OLFM3: variants seen among roughly 807,000 people sequenced by gnomAD.
OLFM3 encodes the protein olfactomedin 3.
In OLFM3, 20 loss-of-function variants were observed where a neutral mutation model predicts 48.6. That is an observed-to-expected ratio of 0.41 (90% CI 0.29 to 0.60). The LOEUF (loss-of-function observed/expected upper bound fraction) is 0.60. Among genes scored for constraint, OLFM3 ranks in the 20% least tolerant of loss-of-function variants. The pLI is 0.28. For synonymous variants in OLFM3, 222 were observed against 198.1 expected, an observed-to-expected ratio of 1.12 and a Z score of -1.01; for missense variants, 437 against 544.3, an observed-to-expected ratio of 0.80 and a Z score of 1.96.
intron 4 of OLFM3, among the ~76,000 whole-genome samples, chr1:101,813,362 C>G (rs1225019943): frequency 6.6e-6 from 1 of 152,162 alleles, no homozygotes. Flanking sequence ...CTCTACTCTT[C>G]TTCCACAAAA....
At chr1:101,924,480 A>G (rs1659200873) in intron 1 of OLFM3, among the ~76,000 whole-genome samples, 1 of 152,218 alleles carries the variant, frequency 6.6e-6, no homozygotes, top group African/African-American at 2.4e-5. Context: ...ACCTATCACT[A>G]CTAAAGTTTG....
At chr1:101,880,904 G>A (rs1657501626) in intron 1 of OLFM3, among the ~76,000 whole-genome samples, 1 of 151,870 alleles carries the variant, frequency 6.6e-6, no homozygotes, top group Non-Finnish European at 1.5e-5. Flanking sequence ...GAAATGGCAA[G>A]TCTTTAGGAC....
In OLFM3 at chr1:101,804,888, T is replaced by C; in HGVS notation, c.727A>G (p.Asn243Asp). Residue 243 changes from asparagine (N) to aspartate (D), a missense_variant, in exon 6 of 6, where the codon AAT becomes GAT. By Grantham distance (23) the Asn-to-Asp change is conservative. Around this residue, in one of 3 missense-constraint regions of OLFM3, gnomAD observed 314 missense variants for 365.5 expected, o/e 0.86. Transcript: ENST00000370103. The surrounding 1 kb of genome is among the most constrained non-coding windows in gnomAD (Gnocchi z 4.5). ...RVWYMDSYTN[N>D]KIVREYKSIA... ...GATTTGTATTCACGAACAATTTTAT[T>C]GTTAGTATAACTGTCCATGTACCAG... 2 of 1,611,514 alleles carry C rather than the reference T, an allele frequency of 1.2e-6. No individual in the cohort carries two copies. Among genetic ancestry groups the C allele is most frequent in the South Asian group, 1.1e-5 (1 of 91,010 alleles).
intron 2 of OLFM3, 78 bp downstream of exon 2, chr1:101,836,801 T>C: frequency 2.1e-6 from 3 of 1,400,232 alleles, no homozygotes; most frequent in Non-Finnish European, 3.0e-6. Context: ...TCTTCATTAT[T>C]ATCGGCTCTA....
chr1:101,979,724 C>T (rs1024474912), intron 1 of OLFM3, among the ~76,000 whole-genome samples: 11 of 152,234 alleles, frequency 7.2e-5, no homozygotes, highest in East Asian at 1.9e-4. Flanking sequence ...GGTTGCAGCC[C>T]GACACAGAGT....
chr1:101,917,383 C>A (rs915282961), intron 1 of OLFM3, among the ~76,000 whole-genome samples: 3 of 151,862 alleles, frequency 2.0e-5, no homozygotes, highest in Admixed American at 6.6e-5. Flanking sequence ...AAACACTGCA[C>A]CAAAAATAAA....
intron 1 of OLFM3, among the ~76,000 whole-genome samples, chr1:101,946,142 A>G (rs1659957041): frequency 6.6e-6 from 1 of 152,194 alleles, no homozygotes; most frequent in Non-Finnish European, 1.5e-5. Flanking sequence ...TCACTGAGAA[A>G]TACTGCAGAA....
chr1:101,923,990 A>G (rs765660496), intron 1 of OLFM3, among the ~76,000 whole-genome samples: 1 of 152,190 alleles, frequency 6.6e-6, no homozygotes, highest in Non-Finnish European at 1.5e-5. Flanking sequence ...TCCACATTTG[A>G]GGCCTGAATA....
chr1:101,882,555 A>T (rs1480605384), intron 1 of OLFM3: 1 of 151,798 alleles, frequency 6.6e-6, no homozygotes, highest in African/African-American at 2.4e-5. Flanking sequence ...GATCCCTGAG[A>T]ACTCCTGGAA....
At chr1:101,839,035 G>T (rs957812205) in intron 1 of OLFM3, among the ~76,000 whole-genome samples, 2 of 152,178 alleles carry the variant, frequency 1.3e-5, no homozygotes, top group Admixed American at 1.3e-4. Flanking sequence ...AAATATTGGG[G>T]ATGCTAAAAA....
intron 1 of OLFM3, chr1:101,860,026 C>G (rs1248015567): frequency 6.6e-6 from 1 of 152,030 alleles, no homozygotes; most frequent in Non-Finnish European, 1.5e-5. Context: ...GCCATGGAAG[C>G]CAGCTCAGAG....
At chr1:101,940,186 G>A (rs1659743620) in intron 1 of OLFM3, among the ~76,000 whole-genome samples, 1 of 152,012 alleles carries the variant, frequency 6.6e-6, no homozygotes, top group African/African-American at 2.4e-5. Context: ...TTTCCAGCCA[G>A]TAATATAGAA....
rs150713895 is a variant in OLFM3, at chr1:101,839,191, T to A, written c.70-2166A>T. The stretch of plus-strand genomic sequence containing the variant: ...TTCATAGATGTTTCCAATGCTGCCT[T>A]TTATTTTTGGGGGTCAGACTCGTTA... On this transcript the variant is annotated intron_variant, in intron 1 of 5. Coordinates refer to ENST00000370103, the MANE Select transcript of OLFM3 (RefSeq NM_058170.4). Among the ~76,000 whole-genome samples the A allele has an allele frequency of 1.7e-3, 264 of 152,328 alleles. 6 individuals are homozygous for A. The East Asian group carries it at 0.029, about 17-fold the overall frequency.
intron 1 of OLFM3, among the ~76,000 whole-genome samples, chr1:101,861,694 G>A (rs1182850779): frequency 6.6e-6 from 1 of 152,176 alleles, no homozygotes; most frequent in African/African-American, 2.4e-5. Context: ...TCTATGCATT[G>A]TGTTAAGAGC....
chr1:101,846,620 G>T (rs1241160998), intron 1 of OLFM3, among the ~76,000 whole-genome samples: 1 of 152,022 alleles, frequency 6.6e-6, no homozygotes, highest in Non-Finnish European at 1.5e-5. Context: ...AGAATTTAAT[G>T]ACTCTGGTAT....
intron 1 of OLFM3, among the ~76,000 whole-genome samples, chr1:101,951,301 T>C (rs188962859): frequency 6.6e-6 from 1 of 152,368 alleles, no homozygotes; most frequent in Admixed American, 6.5e-5. Context: ...CTGAAGTTTG[T>C]TTGTTTATGT....
chr1:101,864,525 T>C (rs1035357985), intron 1 of OLFM3, among the ~76,000 whole-genome samples: 1 of 152,236 alleles, frequency 6.6e-6, no homozygotes, highest in South Asian at 2.1e-4. Context: ...GCTGTGTTAG[T>C]ATGTAACACA....
At chr1:101,892,462 T>G (rs1294428716) in intron 1 of OLFM3, among the ~76,000 whole-genome samples, 1 of 152,090 alleles carries the variant, frequency 6.6e-6, no homozygotes, top group Non-Finnish European at 1.5e-5. Flanking sequence ...CTTTTCCTAA[T>G]TCCTTTTACA....
rs563023331 is a variant in OLFM3, at chr1:101,861,876, T to C, written c.70-24851A>G. On this transcript the variant is annotated intron_variant, in intron 1 of 5. Coordinates refer to ENST00000370103, the MANE Select transcript of OLFM3 (RefSeq NM_058170.4). ...ACAAGGTACACCAAAGGCATACTTATAGTTCAACGAAGTTAGATTTATTAA... is the reference window on the plus strand; with the variant it reads ...ACAAGGTACACCAAAGGCATACTTACAGTTCAACGAAGTTAGATTTATTAA... Among the ~76,000 whole-genome samples the C allele has an allele frequency of 3.3e-5, 5 of 152,338 alleles. No homozygotes were observed. In the East Asian group the frequency reaches 7.7e-4, roughly 23 times the overall value.
Sources: allele counts gnomAD v4.1 joint callset (sites outside exome capture counted in the v4.1 genomes callset), GRCh38; gene constraint gnomAD v4.1.1; regional missense constraint gnomAD v4.1.1; non-coding constraint Gnocchi (gnomAD v3.1); transcripts MANE v1.5; gene names NCBI Gene and HGNC (gene_info 2026-07-23, HGNC 2026-07-21).